Variants in RBM6 observed in about 807,000 individuals in gnomAD.
RBM6 encodes RNA-binding protein 6.
Under a neutral mutation model 140.4 loss-of-function variants are expected in RBM6, and 23 were observed. That is an observed-to-expected ratio of 0.16 (90% CI 0.12 to 0.23). RBM6 has a LOEUF of 0.23. Among genes scored for constraint, RBM6 ranks in the 10% least tolerant of loss-of-function variants. The pLI, the probability that RBM6 is intolerant of heterozygous loss-of-function variation, is 1.00. For missense variants in RBM6, 1,139 were observed against 1,386.7 expected, an observed-to-expected ratio of 0.82 and a Z score of 2.84; for synonymous variants, 439 against 475.6, an observed-to-expected ratio of 0.92 and a Z score of 1.00.
rs869272546 is a variant in RBM6 at position 49,955,160 on chromosome 3, CT to C, written c.-66-7392del. On this transcript the variant is annotated intron_variant, in intron 1 of 20. Transcript: ENST00000266022. The stretch of plus-strand genomic sequence containing the variant: ...GGCCGCATAGTATTTTTTTTTCTTT[CT>C]TTTTTTTTTTTTTTTTTTTTTTTGA... 1.5e-4 allele frequency among the ~76,000 whole-genome samples: 11 copies of C among 72,714 alleles called. No homozygotes were observed. In the East Asian group the frequency reaches 1.8e-3, roughly 12 times the overall value. The allele number at this position is 72,714 out of a possible 152,430, so 47.7% of individuals were successfully genotyped here. A position where few individuals can be genotyped will look rare whatever the true frequency, so the allele number is the denominator to read the frequency against.
intron 5 of RBM6, among the ~76,000 whole-genome samples, chr3:49,985,867 A>G (rs1275975654): frequency 6.6e-6 from 1 of 152,058 alleles, no homozygotes; most frequent in Admixed American, 6.6e-5. Flanking sequence ...CGGCCTCCCA[A>G]AGTGCTGGGT....
At chr3:49,957,552 AC>A (rs2084051846) in intron 1 of RBM6, among the ~76,000 whole-genome samples, 2 of 152,134 alleles carry the variant, frequency 1.3e-5, no homozygotes, top group Admixed American at 6.6e-5. Flanking sequence ...CATGGGAATT[AC>A]ACTTAACATC....
chr3:49,975,526 A>G (rs1463645503), intron 5 of RBM6, 134 bp downstream of exon 5: 2 of 713,980 alleles, frequency 2.8e-6, no homozygotes, highest in African/African-American at 1.8e-5. Context: ...GTGCCTCCAA[A>G]TAACAACCAG....
Position 50,057,910 on chromosome 3 carries a change from C to A in RBM6, c.1876C>A (p.Leu626Met). The A allele has an allele frequency of 1.2e-6, 2 of 1,614,182 alleles. No homozygotes were observed. The highest frequency in any genetic ancestry group is 1.7e-6 in the Non-Finnish European group (2 of 1,180,034). Residue 626 changes from leucine to methionine, a missense_variant, in exon 9 of 21, where the codon CTG becomes ATG. Transcript: ENST00000266022. ...GHQKREAERY[L>M]PPSRREGPTF... is the part of the protein sequence containing the mutation. The stretch of plus-strand genomic sequence containing the variant: ...TCAAAAGAGAGAAGCAGAAAGGTAT[C>A]TGCCTCCTTCTCGAAGGGAAGGGCC...
intron 6 of RBM6, among the ~76,000 whole-genome samples, chr3:50,000,709 G>A (rs1372990230): frequency 6.6e-6 from 1 of 152,036 alleles, no homozygotes; most frequent in Non-Finnish European, 1.5e-5. Flanking sequence ...ATGAGCCACC[G>A]TGCCCAGCCA....
intron 11 of RBM6, among the ~76,000 whole-genome samples, chr3:50,060,021 A>G (rs1388154354): frequency 1.3e-5 from 2 of 152,086 alleles, no homozygotes; most frequent in Non-Finnish European, 2.9e-5. Context: ...ACATATCTCT[A>G]TTCCAAGCTA....
rs546314741 is a variant in RBM6, at chr3:49,983,861, G to C, written c.1483+8469G>C. ...GCTAGTCTTGTGGAGGCAGTGGATG[G>C]ACGCTTTGGCTGGCCTAGGGAAGAA... is the stretch of plus-strand genomic sequence containing the variant. On this transcript the variant is annotated intron_variant, in intron 5 of 20. Coordinates refer to ENST00000266022, the MANE Select transcript of RBM6 (RefSeq NM_005777.3). Among the ~76,000 whole-genome samples the C allele has an allele frequency of 7.9e-5, 12 of 152,298 alleles. No homozygotes were observed. The South Asian group carries it at 2.5e-3, about 32-fold the overall frequency.
chr3:49,986,729 C>CT (rs1202045690), intron 5 of RBM6, among the ~76,000 whole-genome samples: 49 of 151,586 alleles, frequency 3.2e-4, no homozygotes, highest in Admixed American at 3.2e-3. Flanking sequence ...CTTCTCCTCT[C>CT]TTCTCTTCTC....
At chr3:50,007,300 C>G (rs1481323188) in intron 6 of RBM6, among the ~76,000 whole-genome samples, 2 of 151,286 alleles carry the variant, frequency 1.3e-5, no homozygotes, top group Non-Finnish European at 2.9e-5. Flanking sequence ...GGGCTCAAGC[C>G]ACTCTCATGC....
chr3:49,977,581 A>T (rs2085114178), intron 5 of RBM6, among the ~76,000 whole-genome samples: 1 of 152,190 alleles, frequency 6.6e-6, no homozygotes, highest in African/African-American at 2.4e-5. Flanking sequence ...GAGGAATGTC[A>T]GCAGGAGCCT....
intron 5 of RBM6, among the ~76,000 whole-genome samples, chr3:49,981,181 T>C (rs1281004115): frequency 6.6e-6 from 1 of 152,212 alleles, no homozygotes; most frequent in Non-Finnish European, 1.5e-5. Context: ...ATTACAGGCA[T>C]GAGCCACTGC....
chr3:49,949,785 G>A (rs1295191826), intron 1 of RBM6, among the ~76,000 whole-genome samples: 1 of 152,100 alleles, frequency 6.6e-6, no homozygotes, highest in African/African-American at 2.4e-5. Context: ...GGGATTACAG[G>A]CCTGAGCTAC....
At chr3:49,984,409 C>T (rs1242322955) in intron 5 of RBM6, among the ~76,000 whole-genome samples, 1 of 152,194 alleles carries the variant, frequency 6.6e-6, no homozygotes, top group Non-Finnish European at 1.5e-5. Flanking sequence ...GAGTTACAGA[C>T]CAGCCTGGTC....
chr3:50,043,541 C>CAT (rs2089048320), intron 6 of RBM6, among the ~76,000 whole-genome samples: 2 of 148,972 alleles, frequency 1.3e-5, no homozygotes, highest in South Asian at 4.2e-4. Context: ...TATACATATA[C>CAT]ATACATACAT....
At chr3:49,950,908 C>T (rs2083702500) in intron 1 of RBM6, among the ~76,000 whole-genome samples, 3 of 152,242 alleles carry the variant, frequency 2.0e-5, no homozygotes, top group African/African-American at 7.2e-5. Flanking sequence ...ATGTTCATAA[C>T]AGCGTTATTC....
chr3:50,017,034 C>T (rs570835785), intron 6 of RBM6, among the ~76,000 whole-genome samples: 20 of 152,054 alleles, frequency 1.3e-4, no homozygotes, highest in African/African-American at 4.6e-4. Context: ...TTATGTTGTC[C>T]GGGCTGGTCT....
chr3:50,048,301 T>C lies in RBM6; in HGVS notation c.1614T>C (p.Asp538=). The C allele has an allele frequency of 3.1e-6, 5 of 1,612,806 alleles. No homozygotes were observed. Among genetic ancestry groups the C allele is most frequent in the Non-Finnish European group, 4.2e-6 (5 of 1,179,430 alleles). The stretch of plus-strand genomic sequence containing the variant: ...CCCTGGAGTATGTATCAAGCCTGGA[T>C]TTTTGGTACTGCAAACGAGTAAGTA... ...EVTLEYVSSL[D]FWYCKRCKAN... is the part of the protein sequence containing the mutation. The change falls in exon 7 of 21, where the codon GAT becomes GAC. Residue 538 remains aspartate (D), a synonymous_variant. Coordinates refer to ENST00000266022, the MANE Select transcript of RBM6 (RefSeq NM_005777.3).
At chr3:49,994,526 T>C (rs2085979262) in intron 5 of RBM6, among the ~76,000 whole-genome samples, 1 of 152,182 alleles carries the variant, frequency 6.6e-6, no homozygotes, top group African/African-American at 2.4e-5. Flanking sequence ...AAAACCTGTA[T>C]TATCAATGAA....
At chr3:50,031,768 T>C (rs1287047979) in intron 6 of RBM6, among the ~76,000 whole-genome samples, 2 of 152,026 alleles carry the variant, frequency 1.3e-5, no homozygotes, top group Non-Finnish European at 2.9e-5. Context: ...ATAGGGTGAG[T>C]ATAGTCAATA....
Sources: allele counts gnomAD v4.1 joint callset (sites outside exome capture counted in the v4.1 genomes callset), GRCh38; gene constraint gnomAD v4.1.1; transcripts MANE v1.5; gene names NCBI Gene and HGNC (gene_info 2026-07-23, HGNC 2026-07-21).